The following CADM2 variants were observed in gnomAD, a reference collection of about 807,000 sequenced individuals.
CADM2 encodes immunoglobulin superfamily member 4D.
In CADM2, 12 loss-of-function variants were observed where a neutral mutation model predicts 49.8. The ratio of observed to expected loss-of-function variants is 0.24; its 90% CI spans 0.15 to 0.39. CADM2 has a LOEUF of 0.39. Among genes scored for constraint, CADM2 ranks in the 10% least tolerant of loss-of-function variants. CADM2 has a pLI of 1.00. For synonymous variants in CADM2, 214 were observed against 175.4 expected (o/e 1.22, Z -1.74); for missense variants, 378 against 492.3 (o/e 0.77, Z 2.20).
intron 3 of CADM2, among the ~76,000 whole-genome samples, chr3:85,859,325 G>T (rs768679443): frequency 1.4e-5 from 2 of 142,146 alleles, no homozygotes; most frequent in Non-Finnish European, 1.5e-5. Flanking sequence ...CTGCCTCCCG[G>T]GTTCAAGCGA....
At chr3:85,778,589 T>C (rs1250929660) in intron 2 of CADM2, among the ~76,000 whole-genome samples, 4 of 152,148 alleles carry the variant, frequency 2.6e-5, no homozygotes, top group Admixed American at 2.6e-4. Flanking sequence ...CCTTCCACCA[T>C]GATTGTAAGT....
At chr3:85,213,248 G>T (rs1013469080) in intron 1 of CADM2, among the ~76,000 whole-genome samples, 2 of 151,984 alleles carry the variant, frequency 1.3e-5, no homozygotes, top group African/African-American at 4.8e-5. Context: ...TGTAGAACAG[G>T]TCTGATGTTG....
chr3:85,916,730 C>A (rs1718383277), intron 6 of CADM2, among the ~76,000 whole-genome samples: 1 of 151,846 alleles, frequency 6.6e-6, no homozygotes, highest in Non-Finnish European at 1.5e-5. Flanking sequence ...AGTTCTAGAT[C>A]CCTGAGGAAT....
intron 7 of CADM2, among the ~76,000 whole-genome samples, chr3:85,953,526 C>A (rs543919808): frequency 6.6e-6 from 1 of 150,706 alleles, no homozygotes; most frequent in East Asian, 2.0e-4. Flanking sequence ...AATTAAACAC[C>A]GTAATCAAGA....
chr3:85,963,040 G>T (rs1042810998), intron 8 of CADM2, among the ~76,000 whole-genome samples: 2 of 151,806 alleles, frequency 1.3e-5, no homozygotes, highest in Non-Finnish European at 2.9e-5. Context: ...TCTAACAAGT[G>T]TTATTTTTCC....
At chr3:85,017,127 A>T (rs1006779275) in intron 1 of CADM2, among the ~76,000 whole-genome samples, 3 of 152,226 alleles carry the variant, frequency 2.0e-5, no homozygotes, top group Non-Finnish European at 4.4e-5. Context: ...AATCAGAAAT[A>T]AAAGGACACA....
chr3:85,198,564 T>C (rs1423006412), intron 1 of CADM2, among the ~76,000 whole-genome samples: 1 of 151,824 alleles, frequency 6.6e-6, no homozygotes, highest in East Asian at 1.9e-4. Flanking sequence ...CTTTATATGA[T>C]AAACTACAAG....
intron 1 of CADM2, among the ~76,000 whole-genome samples, chr3:85,265,001 T>C (rs2043091007): frequency 1.3e-5 from 2 of 151,976 alleles, no homozygotes; most frequent in Admixed American, 6.6e-5. Context: ...GCTATGAGTT[T>C]ATTCATCAGC....
rs146116250 is a variant in CADM2, at chr3:84,977,770, G to A, written c.61+18102G>A. Among the ~76,000 whole-genome samples the A allele has an allele frequency of 1.0e-2, 1,519 of 152,108 alleles. 37 individuals are homozygous for A. Among genetic ancestry groups the A allele is most frequent in the African/African-American group, 0.035 (1,456 of 41,550 alleles). ...AAAAACAGAGAGCAATGGTTTCATC[G>A]TTGATTTGTTTTCATGCAATATTGA... On this transcript the variant is annotated intron_variant, in intron 1 of 9. Coordinates refer to ENST00000383699, the MANE Select transcript of CADM2 (RefSeq NM_001167675.2).
chr3:85,556,652 C>T (rs1050388462), intron 1 of CADM2, among the ~76,000 whole-genome samples: 1 of 152,078 alleles, frequency 6.6e-6, no homozygotes, highest in Non-Finnish European at 1.5e-5. Flanking sequence ...ACAGATTGCT[C>T]CAGGTCAGCA....
intron 1 of CADM2, among the ~76,000 whole-genome samples, chr3:85,199,510 C>G (rs1374525617): frequency 6.6e-6 from 1 of 151,302 alleles, no homozygotes; most frequent in African/African-American, 2.4e-5. Context: ...AGTTTACAAA[C>G]CTTTAAAAGT....
chr3:85,378,303 C>T (rs574689409), intron 1 of CADM2, among the ~76,000 whole-genome samples: 6 of 152,072 alleles, frequency 3.9e-5, no homozygotes, highest in Non-Finnish European at 5.9e-5. Flanking sequence ...TCCTCAAGGA[C>T]GCAAAATGTT....
chr3:85,618,339 T>C (rs1338642386), intron 1 of CADM2, among the ~76,000 whole-genome samples: 1 of 152,078 alleles, frequency 6.6e-6, no homozygotes, highest in Non-Finnish European at 1.5e-5. Context: ...CTAGGTATGG[T>C]AGGGGAGACA....
At chr3:84,979,158 A>G (rs2032012158) in intron 1 of CADM2, among the ~76,000 whole-genome samples, 1 of 152,168 alleles carries the variant, frequency 6.6e-6, no homozygotes, top group Admixed American at 6.6e-5. Context: ...AGGTTAGAAT[A>G]TGATTATGTC....
chr3:86,067,032 C>A lies in CADM2; in HGVS notation c.*249C>A. 1 of 447,018 alleles carries A rather than the reference C, an allele frequency of 2.2e-6. No homozygotes were observed. Among genetic ancestry groups the A allele is most frequent in the Non-Finnish European group, 4.0e-6 (1 of 247,222 alleles). The allele number at this position is 447,018 out of a possible 1,614,324, so 27.7% of individuals were successfully genotyped here. On this transcript the variant is annotated 3_prime_UTR_variant, in exon 10 of 10. Transcript: ENST00000383699. ...ACCATTGCTCTTTTAACATACAGTG[C>A]TTGAATATACAGCCTTAACAATGTT...
chr3:85,426,310 T>G (rs1344691152), intron 1 of CADM2, among the ~76,000 whole-genome samples: 1 of 151,936 alleles, frequency 6.6e-6, no homozygotes, highest in Non-Finnish European at 1.5e-5. Flanking sequence ...CACAGCTTAT[T>G]TTTTGTAGAG....
intron 1 of CADM2, among the ~76,000 whole-genome samples, chr3:85,327,886 C>T (rs560711031): frequency 2.0e-5 from 3 of 152,222 alleles, no homozygotes; most frequent in Non-Finnish European, 2.9e-5. Flanking sequence ...GCTAATTTAG[C>T]CACTAACCCA....
intron 1 of CADM2, among the ~76,000 whole-genome samples, chr3:85,077,803 A>C (rs539030658): frequency 2.0e-5 from 3 of 152,236 alleles, no homozygotes; most frequent in African/African-American, 7.2e-5. Flanking sequence ...TAATAAAAAC[A>C]GATTATTATC....
chr3:85,804,103 C>T (rs955573014), intron 3 of CADM2, among the ~76,000 whole-genome samples: 5 of 151,778 alleles, frequency 3.3e-5, no homozygotes, highest in Admixed American at 6.6e-5. Context: ...TTTTGCTTTT[C>T]GTATTAATTG....
Sources: gnomAD v4.1 joint callset for allele counts (sites outside exome capture counted in the v4.1 genomes callset) on GRCh38, gnomAD v4.1.1 for gene constraint, MANE v1.5 for transcripts, NCBI Gene and HGNC (gene_info 2026-07-23, HGNC 2026-07-21) for gene names.